Variants in ARHGAP12 observed in about 807,000 individuals in gnomAD.
ARHGAP12 encodes rho GTPase-activating protein 12.
A neutral mutation model predicts 108.6 loss-of-function variants in ARHGAP12; 64 were observed. The observed-to-expected ratio is 0.59, with a 90% CI of 0.48 to 0.73. The LOEUF (loss-of-function observed/expected upper bound fraction) is 0.73. Among genes scored for constraint, ARHGAP12 ranks in the 30% least tolerant of loss-of-function variants. The probability of loss-of-function intolerance (pLI) is 0.00; values close to 1 mark genes in which losing one functional copy is unlikely to be tolerated. For synonymous variants in ARHGAP12, 312 were observed against 337.2 expected (o/e 0.93, Z 0.82); for missense variants, 940 against 1,005.9 (o/e 0.93, Z 0.89).
intron 3 of ARHGAP12, among the ~76,000 whole-genome samples, chr10:31,898,529 G>A (rs1002306370): frequency 4.6e-5 from 7 of 152,160 alleles, no homozygotes; most frequent in African/African-American, 1.7e-4. Flanking sequence ...GGAATTACAG[G>A]CGTGAGCACC....
intron 3 of ARHGAP12, among the ~76,000 whole-genome samples, chr10:31,905,237 A>G (rs1378933940): frequency 6.6e-6 from 1 of 152,142 alleles, no homozygotes; most frequent in Non-Finnish European, 1.5e-5. Flanking sequence ...AATTGTATAA[A>G]TTATGTATAA....
chr10:31,868,358 G>A (rs1349827765), intron 3 of ARHGAP12, among the ~76,000 whole-genome samples: 1 of 151,886 alleles, frequency 6.6e-6, no homozygotes, highest in East Asian at 1.9e-4. Context: ...CTGGATATTA[G>A]TATTATATAT....
At chr10:31,905,778 C>G (rs1461542263) in intron 3 of ARHGAP12, among the ~76,000 whole-genome samples, 1 of 151,994 alleles carries the variant, frequency 6.6e-6, no homozygotes, top group Non-Finnish European at 1.5e-5. Flanking sequence ...ACAGGAAACA[C>G]TTGCATTGTA....
intron 10 of ARHGAP12, among the ~76,000 whole-genome samples, chr10:31,828,078 A>G (rs918114876): frequency 6.6e-6 from 1 of 152,136 alleles, no homozygotes; most frequent in Non-Finnish European, 1.5e-5. Flanking sequence ...TAATAATTAC[A>G]TCTTCACTGT....
chr10:31,877,899 C>T (rs1036113592), intron 3 of ARHGAP12, among the ~76,000 whole-genome samples: 23 of 152,088 alleles, frequency 1.5e-4, no homozygotes, highest in Admixed American at 4.6e-4. Flanking sequence ...TGAGACCAGC[C>T]TGGGGAACGT....
At position 31,908,538 on chromosome 10, in the gene ARHGAP12, A is replaced by G. The variant is rs748534893; in HGVS notation, c.318T>C (p.Asn106=). The G allele has an allele frequency of 1.7e-5, 27 of 1,614,098 alleles. No individual in the cohort carries two copies. The highest frequency in any genetic ancestry group is 2.3e-5 in the Non-Finnish European group (27 of 1,180,030). ...TTGAAAGCTCAGGCAATTTGTTCACATTTTCTGTTGATCTCTGAAGATGCA... is the reference window on the plus strand; with the variant it reads ...TTGAAAGCTCAGGCAATTTGTTCACGTTTTCTGTTGATCTCTGAAGATGCA... ...QSLHLQRSTE[N]VNKLPELSSF... The change falls in exon 3 of 20, where the codon AAT becomes AAC. Residue 106 remains asparagine, a synonymous_variant. Transcript: ENST00000344936.
At chr10:31,894,654 G>A (rs1202290018) in intron 3 of ARHGAP12, among the ~76,000 whole-genome samples, 2 of 152,150 alleles carry the variant, frequency 1.3e-5, no homozygotes, top group Non-Finnish European at 2.9e-5. Context: ...AATCAATATC[G>A]TGAAAATGGC....
In ARHGAP12 at chr10:31,844,697, C is replaced by CTTTT. The variant is rs369721681; in HGVS notation, c.1171-1115_1171-1112dup. On this transcript the variant is annotated intron_variant, in intron 6 of 19. Coordinates refer to ENST00000344936, the MANE Select transcript of ARHGAP12 (RefSeq NM_018287.7). ...TACAAGTACATGCCAGCACACTTGG[C>CTTTT]TTTTTTTTTTTTTTTTTGTAGAGCC... Among the ~76,000 whole-genome samples the CTTTT allele has an allele frequency of 7.0e-5, 9 of 128,640 alleles. No individual in the cohort carries two copies. The South Asian group carries it at 1.8e-3, about 25-fold the overall frequency. 84.4% of individuals were successfully genotyped at this position (128,640 alleles called of 152,430 possible).
At chr10:31,906,425 CA>C (rs1443493173) in intron 3 of ARHGAP12, among the ~76,000 whole-genome samples, 1 of 152,234 alleles carries the variant, frequency 6.6e-6, no homozygotes, top group East Asian at 1.9e-4. Context: ...TGATTTTCCC[CA>C]ATTATCACAC....
rs932754900 is a variant in ARHGAP12, at chr10:31,877,201, T to C, written c.685-15543A>G. Among the ~76,000 whole-genome samples, 14 of 152,222 alleles carry C rather than the reference T, an allele frequency of 9.2e-5. No individual in the cohort carries two copies. The East Asian group carries it at 9.6e-4, about 10-fold the overall frequency. On this transcript the variant is annotated intron_variant, in intron 3 of 19. Coordinates refer to ENST00000344936, the MANE Select transcript of ARHGAP12 (RefSeq NM_018287.7). ...GCATTAGAATGAGATATACTGAAAGTAGCATAAAGACGCCTGGTTCCTTTT... is the reference window on the plus strand; with the variant it reads ...GCATTAGAATGAGATATACTGAAAGCAGCATAAAGACGCCTGGTTCCTTTT...
chr10:31,905,285 G>A (rs551116295), intron 3 of ARHGAP12, among the ~76,000 whole-genome samples: 12 of 152,010 alleles, frequency 7.9e-5, no homozygotes, highest in Middle Eastern at 3.4e-3. Context: ...TTTTAGAGAC[G>A]AGGTCTCACT....
chr10:31,816,366 C>A (rs183159237), intron 13 of ARHGAP12, among the ~76,000 whole-genome samples: 2 of 152,212 alleles, frequency 1.3e-5, no homozygotes, highest in African/African-American at 4.8e-5. Context: ...ATGCTGTACC[C>A]CCCTACCATC....
At chr10:31,871,459 C>G (rs1837540367) in intron 3 of ARHGAP12, among the ~76,000 whole-genome samples, 1 of 152,084 alleles carries the variant, frequency 6.6e-6, no homozygotes, top group Non-Finnish European at 1.5e-5. Context: ...TTACGGCTTG[C>G]TTCTGTCCTC....
chr10:31,893,072 AC>A (rs1421470382), intron 3 of ARHGAP12, among the ~76,000 whole-genome samples: 8 of 152,226 alleles, frequency 5.3e-5, no homozygotes. Flanking sequence ...GACACAACAT[AC>A]CAGAATCTCT....
At position 31,908,673 on chromosome 10, in the gene ARHGAP12, C is replaced by T. The variant is rs748155424; in HGVS notation, c.183G>A (p.Ala61=). ...TCACATACTGGGCTGGCACATAAAA[C>T]GCTTTGGAGTTTTCATCTGGCTTGA... ...WQVKPDENSK[A]FYVPAQYVKE... The change falls in exon 3 of 20, where the codon GCG becomes GCA. Residue 61 remains alanine (A), a synonymous_variant. Coordinates refer to ENST00000344936, the MANE Select transcript of ARHGAP12 (RefSeq NM_018287.7). The T allele has an allele frequency of 5.3e-5, 85 of 1,613,944 alleles. 1 individual carries two copies. The Admixed American group carries it at 1.2e-3, about 23-fold the overall frequency.
rs990607619 is a variant in ARHGAP12 at position 31,831,885 on chromosome 10, G to A, written c.1387-85C>T. 6 of 717,010 alleles carry A rather than the reference G, an allele frequency of 8.4e-6. No individual in the cohort carries two copies. The South Asian group carries it at 9.4e-5, about 11-fold the overall frequency. The allele number at this position is 717,010 out of a possible 1,614,324, so 44.4% of individuals were successfully genotyped here. On this transcript the variant is annotated intron_variant, in intron 9 of 19. Coordinates refer to ENST00000344936, the MANE Select transcript of ARHGAP12 (RefSeq NM_018287.7). ...CACATGACTGAACCAACATGGTCTC[G>A]TTCTCTAAAAATTAGCTTAAAAGAA...
intron 10 of ARHGAP12, among the ~76,000 whole-genome samples, chr10:31,827,619 G>A (rs747270530): frequency 3.3e-5 from 5 of 151,962 alleles, no homozygotes; most frequent in Admixed American, 6.6e-5. Context: ...GTGAAACCTC[G>A]TCTCTACTAA....
At position 31,835,262 on chromosome 10, in the gene ARHGAP12, T is replaced by C. The variant is rs922671166; in HGVS notation, c.1387-3462A>G. On this transcript the variant is annotated intron_variant, in intron 9 of 19. Transcript: ENST00000344936. ...TTTTATTTCATACTATTTAGTATAC[T>C]TTCTCTACATAATATGTGTCAAAAT... Among the ~76,000 whole-genome samples, 4 of 152,040 alleles carry C rather than the reference T, an allele frequency of 2.6e-5. No homozygotes were observed. The East Asian group carries it at 7.7e-4, about 29-fold the overall frequency.
chr10:31,820,514 C>T (rs746566370), intron 11 of ARHGAP12, 26 bp from the exon 12 acceptor site: 1 of 1,479,370 alleles, frequency 6.8e-7, no homozygotes, highest in Non-Finnish European at 9.2e-7. Flanking sequence ...AGAAAAAAAA[C>T]CTTCATGTGA....
Sources: gnomAD v4.1 joint callset for allele counts (sites outside exome capture counted in the v4.1 genomes callset) on GRCh38, gnomAD v4.1.1 for gene constraint, MANE v1.5 for transcripts, NCBI Gene and HGNC (gene_info 2026-07-23, HGNC 2026-07-21) for gene names.